The following BICRA variants were observed in gnomAD, a reference collection of about 807,000 sequenced individuals.
BICRA encodes the protein BRD4 interacting chromatin remodeling complex associated protein.
Under a neutral mutation model 96.9 loss-of-function variants are expected in BICRA, and 31 were observed. That is an observed-to-expected ratio of 0.32 (90% CI 0.24 to 0.43). The LOEUF (loss-of-function observed/expected upper bound fraction) is 0.43, where lower values mean the gene tolerates loss of function less well. Among genes scored for constraint, BICRA ranks in the 20% least tolerant of loss-of-function variants. The pLI is 1.00. For missense variants in BICRA, 2,283 were observed against 2,190.3 expected (o/e 1.04, Z -0.84); for synonymous variants, 1,350 against 1,071.8 (o/e 1.26, Z -5.07).
intron 1 of BICRA, among the ~76,000 whole-genome samples, chr19:47,638,678 C>T (rs964266935): frequency 2.6e-5 from 4 of 152,176 alleles, no homozygotes; most frequent in Non-Finnish European, 5.9e-5. Flanking sequence ...GTTTTTGAGA[C>T]GGAGTCTCGC....
At position 47,679,869 on chromosome 19, in the gene BICRA, G is replaced by C. The variant is rs967981328; in HGVS notation, c.699G>C (p.Ala233=). Residue 233 remains alanine (A), a synonymous_variant, in exon 6 of 15, where the codon GCG becomes GCC. Transcript: ENST00000594866. ...CCACGGCGGCCACACTGGGCCTGGCGCCCATCCAGGTGGTGGGCCAGCCCG... is the reference window on the plus strand; with the variant it reads ...CCACGGCGGCCACACTGGGCCTGGCCCCCATCCAGGTGGTGGGCCAGCCCG... The part of the protein sequence containing the change: ...GGATAATLGL[A]PIQVVGQPVM... 4 of 1,515,328 alleles carry C rather than the reference G, an allele frequency of 2.6e-6. No individual in the cohort carries two copies. The highest frequency in any genetic ancestry group is 3.5e-6 in the Non-Finnish European group (4 of 1,137,832). The allele number at this position is 1,515,328 out of a possible 1,614,324, so 93.9% of individuals were successfully genotyped here. A position where few individuals can be genotyped will look rare whatever the true frequency, so the allele number is the denominator to read the frequency against.
At chr19:47,672,020 TATGGAAGG>T (rs1396459121) in intron 2 of BICRA, among the ~76,000 whole-genome samples, 2 of 52,376 alleles carry the variant, frequency 3.8e-5, no homozygotes, top group Non-Finnish European at 7.3e-5. Flanking sequence ...TAGGTAGATG[TATGGAAGG>T]ATGGAGGGAT....
intron 7 of BICRA, among the ~76,000 whole-genome samples, chr19:47,688,978 C>T (rs1973200179): frequency 6.6e-6 from 1 of 151,926 alleles, no homozygotes; most frequent in Non-Finnish European, 1.5e-5. Flanking sequence ...CAGGCACATG[C>T]CAGCAAGCCC....
intron 1 of BICRA, among the ~76,000 whole-genome samples, chr19:47,646,960 C>T (rs555087567): frequency 1.3e-5 from 2 of 152,180 alleles, no homozygotes; most frequent in African/African-American, 4.8e-5. Context: ...TCCTTCTCCC[C>T]CTCCCAGCCT....
intron 7 of BICRA, among the ~76,000 whole-genome samples, chr19:47,688,870 G>A (rs774170947): frequency 1.3e-5 from 2 of 151,624 alleles, no homozygotes; most frequent in African/African-American, 4.9e-5. Flanking sequence ...TCTCTCGCCC[G>A]GGCTGGAGTG....
chr19:47,700,999 A>G (rs1973432571), intron 14 of BICRA: 1 of 388,212 alleles, frequency 2.6e-6, no homozygotes, highest in African/African-American at 2.1e-5. Flanking sequence ...GCAGGTCTCA[A>G]ACTCCTGGGC....
chr19:47,632,823 G>T (rs1972240231), intron 1 of BICRA, among the ~76,000 whole-genome samples: 1 of 152,128 alleles, frequency 6.6e-6, no homozygotes, highest in African/African-American at 2.4e-5. Context: ...GTTTTGGACA[G>T]TGTTTAAGGC....
In BICRA at chr19:47,681,825, C is replaced by T. The variant is rs1054653600; in HGVS notation, c.2107-151C>T. On this transcript the variant is annotated intron_variant, in intron 6 of 14. Transcript: ENST00000594866. ...AGAATGGAGCAGGCTGCCTGGGTTT[C>T]GGCCTCTGTGCCTGGCACCCTGCCT... 1.7e-4 allele frequency: 104 copies of T among 622,928 alleles called. 1 individual carries two copies. In the South Asian group the frequency reaches 1.8e-3, roughly 11 times the overall value. The allele number at this position is 622,928 out of a possible 1,614,324, so 38.6% of individuals were successfully genotyped here.
intron 1 of BICRA, among the ~76,000 whole-genome samples, chr19:47,612,797 G>A (rs1599776555): frequency 6.6e-6 from 1 of 152,164 alleles, no homozygotes. Context: ...TAGTGGTGGG[G>A]GTTCCGTATT....
intron 7 of BICRA, among the ~76,000 whole-genome samples, chr19:47,693,255 G>A (rs1020305415): frequency 2.6e-5 from 4 of 152,240 alleles, no homozygotes; most frequent in African/African-American, 4.8e-5. Flanking sequence ...AAGGTGCTCC[G>A]TCTGAGACAT....
chr19:47,701,783 C>G lies in BICRA; in HGVS notation c.4051C>G (p.Pro1351Ala), dbSNP rs1304089813. Residue 1351 changes from proline (P) to alanine (A), a missense_variant, in exon 15 of 15, where the codon CCA (proline) becomes GCA (alanine). Pro to Ala is a conservative substitution (Grantham distance 27). Coordinates refer to ENST00000594866, the MANE Select transcript of BICRA (RefSeq NM_001394372.1). This position sits in a 1 kb window ranked among gnomAD's most constrained non-coding sequence, Gnocchi z 5.4. ...GGCCGAGCCCCCGCCACGGCCGCCA[C>G]CACCACCGCCGCCCACGGGCCAGAT... ...KVAEPPPRPP[P>A]PPPPTGQMNG... is the part of the protein sequence containing the mutation. 6.5e-7 allele frequency: 1 copy of G among 1,539,644 alleles called. No homozygotes were observed. The highest frequency in any genetic ancestry group is 1.4e-5 in the African/African-American group (1 of 72,824).
chr19:47,623,915 G>C (rs572888913), intron 1 of BICRA, among the ~76,000 whole-genome samples: 1 of 150,934 alleles, frequency 6.6e-6, no homozygotes, highest in Non-Finnish European at 1.5e-5. Flanking sequence ...GCAGTGGCGC[G>C]ATCTTGGCTC....
At chr19:47,614,474 G>A (rs938498668) in intron 1 of BICRA, among the ~76,000 whole-genome samples, 1 of 152,194 alleles carries the variant, frequency 6.6e-6, no homozygotes, top group Non-Finnish European at 1.5e-5. Flanking sequence ...AAAATGAGCT[G>A]GGCATGGTGG....
At chr19:47,611,994 C>T (rs534765062) in intron 1 of BICRA, among the ~76,000 whole-genome samples, 1 of 151,918 alleles carries the variant, frequency 6.6e-6, no homozygotes, top group Non-Finnish European at 1.5e-5. Flanking sequence ...CCTCAGCGTC[C>T]CGAGTAGCTG....
chr19:47,644,756 C>T (rs1351455144), intron 1 of BICRA, among the ~76,000 whole-genome samples: 3 of 152,204 alleles, frequency 2.0e-5, no homozygotes, highest in South Asian at 4.1e-4. Context: ...CTGCCTTGGC[C>T]TCCCAAAGTG....
At chr19:47,646,815 A>G (rs570208204) in intron 1 of BICRA, among the ~76,000 whole-genome samples, 150 of 152,306 alleles carry the variant, frequency 9.8e-4, no homozygotes, top group Non-Finnish European at 1.7e-3. Context: ...TTCACATACC[A>G]TACAGTTCAC....
At chr19:47,610,972 T>C (rs1971897667) in intron 1 of BICRA, among the ~76,000 whole-genome samples, 1 of 152,132 alleles carries the variant, frequency 6.6e-6, no homozygotes, top group African/African-American at 2.4e-5. Context: ...ACTAGGGAGC[T>C]TTATTCCGCT....
intron 1 of BICRA, among the ~76,000 whole-genome samples, chr19:47,657,763 G>A (rs1029071969): frequency 2.0e-5 from 3 of 152,130 alleles, no homozygotes; most frequent in South Asian, 2.1e-4. Context: ...AAATACCTTG[G>A]CGTGACATTG....
chr19:47,685,764 T>A (rs1017207285), intron 7 of BICRA, among the ~76,000 whole-genome samples: 2 of 131,100 alleles, frequency 1.5e-5, no homozygotes, highest in Non-Finnish European at 3.2e-5. Flanking sequence ...TGTGTGTGTG[T>A]GTGTGTGTGT....
Sources: gnomAD v4.1 joint callset for allele counts (sites outside exome capture counted in the v4.1 genomes callset) on GRCh38, gnomAD v4.1.1 for gene constraint, Gnocchi (gnomAD v3.1) non-coding constraint, MANE v1.5 for transcripts, NCBI Gene and HGNC (gene_info 2026-07-23, HGNC 2026-07-21) for gene names.